The following CCDC171 variants were observed in gnomAD, a reference collection of about 807,000 sequenced individuals.
CCDC171 encodes coiled-coil domain-containing protein 171.
Under a neutral mutation model 168.2 loss-of-function variants are expected in CCDC171, and 177 were observed. The observed-to-expected ratio is 1.05, with a 90% CI of 0.93 to 1.19. CCDC171 has a LOEUF of 1.19. Ranked by LOEUF, CCDC171 falls within the 50% of genes most tolerant of loss-of-function variation. CCDC171 has a pLI of 0.00. For missense variants in CCDC171, 1,991 were observed against 1,539.0 expected (o/e 1.29, Z -4.91); for synonymous variants, 687 against 540.8 (o/e 1.27, Z -3.75).
chr9:15,932,717 A>T (rs989756773), intron 25 of CCDC171, among the ~76,000 whole-genome samples: 37 of 151,984 alleles, frequency 2.4e-4, no homozygotes, highest in African/African-American at 8.7e-4. Context: ...TCTTCTCCCC[A>T]TGCAATATGA....
intron 1 of CCDC171, among the ~76,000 whole-genome samples, chr9:15,558,308 A>G (rs1225882227): frequency 1.3e-5 from 2 of 152,172 alleles, no homozygotes; most frequent in Non-Finnish European, 2.9e-5. Flanking sequence ...TTTCAGAAGG[A>G]ATGGTACCAG....
chr9:15,592,222 G>A lies in CCDC171; in HGVS notation c.543+666G>A, dbSNP rs551471083. 1.3e-3 allele frequency among the ~76,000 whole-genome samples: 201 copies of A among 151,932 alleles called. 1 individual carries two copies. The highest frequency in any genetic ancestry group is 4.7e-3 in the African/African-American group (196 of 41,400). ...TGCAGGCCTGTAGTTCCAGCTAGTA[G>A]GGAGGTTGAGGTGGGAAGATCACTT... is the stretch of plus-strand genomic sequence containing the variant. On this transcript the variant is annotated intron_variant, in intron 5 of 25. Transcript: ENST00000380701.
intron 14 of CCDC171, among the ~76,000 whole-genome samples, chr9:15,725,259 G>A (rs545625436): frequency 6.6e-6 from 1 of 152,202 alleles, no homozygotes; most frequent in Admixed American, 6.5e-5. Flanking sequence ...GCTCCTAACA[G>A]TCCTTTCAAG....
intron 24 of CCDC171, among the ~76,000 whole-genome samples, chr9:15,915,390 G>T (rs1430193652): frequency 1.8e-4 from 27 of 150,186 alleles, no homozygotes; most frequent in Non-Finnish European, 3.3e-4. Context: ...ATTGGGAATT[G>T]GATAGCTTTC....
chr9:15,870,078 C>G (rs901227742), intron 23 of CCDC171, among the ~76,000 whole-genome samples: 1 of 151,264 alleles, frequency 6.6e-6, no homozygotes, highest in African/African-American at 2.4e-5. Flanking sequence ...CAGCCATGGA[C>G]AATAGGTAAA....
At chr9:15,975,257 C>A (rs1053333924), downstream of CCDC171, among the ~76,000 whole-genome samples, 3 of 152,040 alleles carry the variant, frequency 2.0e-5, no homozygotes, top group Non-Finnish European at 4.4e-5. Flanking sequence ...TTTTGGCTAC[C>A]AAAGATCATA....
intron 6 of CCDC171, among the ~76,000 whole-genome samples, chr9:15,619,221 T>G (rs2044326454): frequency 6.6e-6 from 1 of 152,178 alleles, no homozygotes; most frequent in Non-Finnish European, 1.5e-5. Context: ...CACACCTGTT[T>G]CATTTTAAAT....
At chr9:15,685,640 A>G (rs2050342072) in intron 10 of CCDC171, among the ~76,000 whole-genome samples, 1 of 152,164 alleles carries the variant, frequency 6.6e-6, no homozygotes. Flanking sequence ...GTCTCAAAAA[A>G]AAAGATAAAT....
intron 10 of CCDC171, among the ~76,000 whole-genome samples, chr9:15,689,572 G>T (rs2086572188): frequency 1.3e-5 from 2 of 152,112 alleles, no homozygotes; most frequent in African/African-American, 4.8e-5. Flanking sequence ...TTTGCCAGGT[G>T]TGATGGCGCG....
chr9:15,713,314 CATT>C (rs2052819081), intron 11 of CCDC171, among the ~76,000 whole-genome samples: 1 of 21,880 alleles, frequency 4.6e-5, no homozygotes, highest in South Asian at 2.7e-3. Context: ...AAACCAAGCC[CATT>C]TTTTTTTTTT....
At chr9:15,557,115 C>T (rs555529821) in intron 1 of CCDC171, among the ~76,000 whole-genome samples, 1 of 152,244 alleles carries the variant, frequency 6.6e-6, no homozygotes, top group Admixed American at 6.5e-5. Context: ...TGTTTTGTTA[C>T]CAGTACCATG....
At chr9:15,602,340 T>G (rs893662407) in intron 6 of CCDC171, among the ~76,000 whole-genome samples, 4 of 152,182 alleles carry the variant, frequency 2.6e-5, no homozygotes, top group African/African-American at 7.2e-5. Flanking sequence ...CTCATAGTGT[T>G]CTCTTTGTGT....
chr9:16,087,662 T>G, the CCDC171 span, among the ~76,000 whole-genome samples: 3 of 151,760 alleles, frequency 2.0e-5, no homozygotes, highest in East Asian at 5.8e-4. Flanking sequence ...ATGGGTCTGT[T>G]GAATACAGCA....
chr9:15,890,877 G>C (rs1357251743), intron 24 of CCDC171, among the ~76,000 whole-genome samples: 2 of 152,068 alleles, frequency 1.3e-5, no homozygotes, highest in Non-Finnish European at 2.9e-5. Flanking sequence ...GATAACCCTG[G>C]CTGAAGCATG....
At chr9:16,101,820 T>A in the CCDC171 span, among the ~76,000 whole-genome samples, 1 of 152,188 alleles carries the variant, frequency 6.6e-6, no homozygotes, top group Non-Finnish European at 1.5e-5. Context: ...CATGCTGCAA[T>A]GAACTGGGTT....
At chr9:16,027,477 A>T (rs530756197) in intron 6 of CCDC171, among the ~76,000 whole-genome samples, 2 of 152,342 alleles carry the variant, frequency 1.3e-5, no homozygotes, top group East Asian at 1.9e-4. Context: ...TTAATATTTT[A>T]TATTCACCTG....
intron 8 of CCDC171, among the ~76,000 whole-genome samples, chr9:15,662,703 C>T (rs961185289): frequency 4.6e-5 from 7 of 151,998 alleles, no homozygotes; most frequent in South Asian, 2.1e-4. Context: ...CAGTTGGACA[C>T]GGTGGCTCAC....
chr9:15,815,765 C>T (rs2059542920), intron 21 of CCDC171, among the ~76,000 whole-genome samples: 2 of 115,962 alleles, frequency 1.7e-5, no homozygotes, highest in African/African-American at 6.4e-5. Flanking sequence ...ATGATATAAC[C>T]CATTTTCATA....
rs576868028 is a variant in CCDC171, at chr9:15,554,193, T to A, written c.-112+891T>A. On this transcript the variant is annotated intron_variant, in intron 1 of 25. Transcript: ENST00000380701. ...CGCCGCCACGCCCGGCTAATTTTTT[T>A]GTATTTTTAGTGGAGACGGGGTTTC... Among the ~76,000 whole-genome samples the A allele has an allele frequency of 7.9e-5, 12 of 152,260 alleles. No homozygotes were observed. In the South Asian group the frequency reaches 2.3e-3, roughly 29 times the overall value.
Sources: gnomAD v4.1 joint callset for allele counts (sites outside exome capture counted in the v4.1 genomes callset) on GRCh38, gnomAD v4.1.1 for gene constraint, MANE v1.5 for transcripts, NCBI Gene and HGNC (gene_info 2026-07-23, HGNC 2026-07-21) for gene names.